Variants in NDST4 observed in about 807,000 individuals in gnomAD.
NDST4 encodes N-deacetylase and N-sulfotransferase 4.
In NDST4, 63 loss-of-function variants were observed where a neutral mutation model predicts 100.8. The ratio of observed to expected loss-of-function variants is 0.62; its 90% CI spans 0.51 to 0.77. NDST4 has a LOEUF of 0.77. Among genes scored for constraint, NDST4 ranks in the 30% least tolerant of loss-of-function variants. The pLI, the probability that NDST4 is intolerant of heterozygous loss-of-function variation, is 0.00. For synonymous variants in NDST4, 377 were observed against 361.8 expected (o/e 1.04, Z -0.48); for missense variants, 943 against 1,018.4 (o/e 0.93, Z 1.01).
At chr4:115,011,806 T>C (rs1162466675) in intron 2 of NDST4, among the ~76,000 whole-genome samples, 1 of 151,880 alleles carries the variant, frequency 6.6e-6, no homozygotes, top group Non-Finnish European at 1.5e-5. Context: ...GGAACAGAAA[T>C]GAAAGCATAT....
intron 6 of NDST4, among the ~76,000 whole-genome samples, chr4:114,907,856 A>G (rs1160953260): frequency 2.6e-5 from 4 of 152,170 alleles, no homozygotes; most frequent in African/African-American, 9.6e-5. Flanking sequence ...TATTGGGAAG[A>G]AGCCAACATC....
At chr4:115,098,527 A>C (rs1178028543) in intron 1 of NDST4, among the ~76,000 whole-genome samples, 2 of 152,138 alleles carry the variant, frequency 1.3e-5, no homozygotes, top group Non-Finnish European at 2.9e-5. Context: ...TCACCAATTC[A>C]ATATTAAAGG....
chr4:115,047,397 C>T (rs1728484997), intron 2 of NDST4, among the ~76,000 whole-genome samples: 1 of 152,006 alleles, frequency 6.6e-6, no homozygotes. Flanking sequence ...AAAAGAATAC[C>T]ATGGGTTTTA....
chr4:115,102,871 G>A (rs1031313519), intron 1 of NDST4, among the ~76,000 whole-genome samples: 2 of 151,818 alleles, frequency 1.3e-5, no homozygotes, highest in Non-Finnish European at 2.9e-5. Flanking sequence ...ACCACGCCTG[G>A]CTAATTTTTG....
chr4:115,018,419 T>A (rs987256486), intron 2 of NDST4, among the ~76,000 whole-genome samples: 87 of 152,142 alleles, frequency 5.7e-4, no homozygotes, highest in African/African-American at 2.0e-3. Flanking sequence ...TTAAAAATTC[T>A]TAATAATATG....
intron 2 of NDST4, among the ~76,000 whole-genome samples, chr4:115,061,239 G>T (rs2126283416): frequency 6.6e-6 from 1 of 152,202 alleles, no homozygotes; most frequent in East Asian, 1.9e-4. Context: ...TCTAGAACCA[G>T]AAATACCATT....
chr4:115,013,002 A>G (rs115843997), intron 2 of NDST4, among the ~76,000 whole-genome samples: 1 of 151,476 alleles, frequency 6.6e-6, no homozygotes, highest in Non-Finnish European at 1.5e-5. Flanking sequence ...GCTAAAAATT[A>G]AAACGATTGA....
chr4:114,843,055 A>G (rs948814977), intron 10 of NDST4, among the ~76,000 whole-genome samples: 5 of 152,056 alleles, frequency 3.3e-5, no homozygotes, highest in Admixed American at 2.6e-4. Context: ...CAAATCATAT[A>G]TCATATATCA....
intron 10 of NDST4, among the ~76,000 whole-genome samples, chr4:114,845,167 A>G (rs1242060636): frequency 2.0e-5 from 3 of 151,952 alleles, no homozygotes; most frequent in African/African-American, 7.3e-5. Context: ...CCATCTCTAC[A>G]AAAAATATAA....
chr4:115,007,826 C>A (rs1187921820), intron 2 of NDST4, among the ~76,000 whole-genome samples: 1 of 129,710 alleles, frequency 7.7e-6, no homozygotes, highest in Non-Finnish European at 1.7e-5. Flanking sequence ...GTAACTGAGG[C>A]AAAGACCATC....
At chr4:114,883,457 T>A (rs552693450) in intron 6 of NDST4, among the ~76,000 whole-genome samples, 1 of 152,136 alleles carries the variant, frequency 6.6e-6, no homozygotes, top group African/African-American at 2.4e-5. Flanking sequence ...AAAGAATATA[T>A]AATTGATGTG....
At chr4:114,982,352 T>A (rs1475532439) in intron 2 of NDST4, among the ~76,000 whole-genome samples, 1 of 152,168 alleles carries the variant, frequency 6.6e-6, no homozygotes, top group Non-Finnish European at 1.5e-5. Flanking sequence ...TGGTCTCAGA[T>A]GGAGATGGGG....
intron 8 of NDST4, among the ~76,000 whole-genome samples, chr4:114,851,587 G>T (rs893791995): frequency 6.6e-6 from 1 of 152,050 alleles, no homozygotes; most frequent in East Asian, 1.9e-4. Flanking sequence ...AAATGATAGG[G>T]GATACATCTT....
At chr4:115,025,493 G>A (rs1462794810) in intron 2 of NDST4, among the ~76,000 whole-genome samples, 2 of 152,026 alleles carry the variant, frequency 1.3e-5, no homozygotes, top group Non-Finnish European at 2.9e-5. Flanking sequence ...TTAAAATTGA[G>A]GAAGATTATT....
intron 3 of NDST4, among the ~76,000 whole-genome samples, chr4:114,972,601 A>C (rs953602926): frequency 8.6e-5 from 13 of 152,032 alleles, no homozygotes; most frequent in Non-Finnish European, 1.8e-4. Flanking sequence ...TGAGGTGTTT[A>C]TATGTTTCTC....
At chr4:114,990,417 T>C (rs759061553) in intron 2 of NDST4, among the ~76,000 whole-genome samples, 2 of 152,124 alleles carry the variant, frequency 1.3e-5, no homozygotes, top group African/African-American at 2.4e-5. Flanking sequence ...AAATGAAGTA[T>C]AGTAGCTCTT....
chr4:114,838,556 A>G (rs537268513), intron 11 of NDST4, among the ~76,000 whole-genome samples: 79 of 152,278 alleles, frequency 5.2e-4, no homozygotes, highest in African/African-American at 1.8e-3. Flanking sequence ...TTGTCAGCAA[A>G]CTAACACAGG....
chr4:114,862,372 C>T (rs1415326967), intron 7 of NDST4, among the ~76,000 whole-genome samples: 1 of 152,070 alleles, frequency 6.6e-6, no homozygotes, highest in African/African-American at 2.4e-5. Context: ...TTCTGTACTG[C>T]ATTTTTAGAT....
chr4:115,065,891 C>T (rs1728935603), intron 2 of NDST4, among the ~76,000 whole-genome samples: 1 of 152,122 alleles, frequency 6.6e-6, no homozygotes, highest in African/African-American at 2.4e-5. Context: ...CAAAAATGTC[C>T]TGATATTTTC....
Sources: gnomAD v4.1 joint callset for allele counts (sites outside exome capture counted in the v4.1 genomes callset) on GRCh38, gnomAD v4.1.1 for gene constraint, MANE v1.5 for transcripts, NCBI Gene and HGNC (gene_info 2026-07-23, HGNC 2026-07-21) for gene names.